The following SPAST variants were observed in gnomAD, a reference collection of about 807,000 sequenced individuals.
The protein encoded by SPAST is spastin.
In SPAST, 30 loss-of-function variants were observed where a neutral mutation model predicts 76.6. The observed-to-expected ratio is 0.39, with a 90% CI of 0.29 to 0.53. The LOEUF is 0.53. SPAST is among the 20% of genes least tolerant of loss of function. The probability of loss-of-function intolerance (pLI) is 0.68; values close to 1 mark genes in which losing one functional copy is unlikely to be tolerated. For missense variants in SPAST, 717 were observed against 770.5 expected (o/e 0.93, Z 0.82); for synonymous variants, 305 against 281.0 (o/e 1.09, Z -0.86).
At chr2:32,147,930 C>CT (rs71407420) in intron 16 of SPAST, among the ~76,000 whole-genome samples, 1,640 of 116,430 alleles carry the variant, frequency 0.014, 50 homozygotes, top group Non-Finnish European at 0.019. Flanking sequence ...TGCGCCCGGC[C>CT]TTTTTTTTTT....
At chr2:32,149,899 C>T (rs908912663) in intron 16 of SPAST, among the ~76,000 whole-genome samples, 4 of 151,804 alleles carry the variant, frequency 2.6e-5, no homozygotes, top group African/African-American at 9.7e-5. Flanking sequence ...TTTTTATTTC[C>T]CTAATTGCAG....
At position 32,068,224 on chromosome 2, in the gene SPAST, C is replaced by T. The variant is rs570335742; in HGVS notation, c.415+3978C>T. ...CGATCTCCTGACCTCGTGATCCACCCGCCTCGGCCTCCCAAAGTGCTGGGA... is the reference window on the plus strand; with the variant it reads ...CGATCTCCTGACCTCGTGATCCACCTGCCTCGGCCTCCCAAAGTGCTGGGA... On this transcript the variant is annotated intron_variant, in intron 1 of 16. Coordinates refer to ENST00000315285, the MANE Select transcript of SPAST (RefSeq NM_014946.4). Among the ~76,000 whole-genome samples the T allele has an allele frequency of 9.9e-5, 15 of 152,044 alleles. No homozygotes were observed. The East Asian group carries it at 2.3e-3, about 24-fold the overall frequency.
rs187842271 is a variant in SPAST, at chr2:32,108,888, C to T, written c.683-5750C>T. Reference sequence around the variant, plus strand: ...TCAACCCATTCTCCTGCCTCAGCCTCCTGAGTAGCTGGGACTACAGATGCG... The same window carrying T: ...TCAACCCATTCTCCTGCCTCAGCCTTCTGAGTAGCTGGGACTACAGATGCG... On this transcript the variant is annotated intron_variant, in intron 4 of 16. Coordinates refer to ENST00000315285, the MANE Select transcript of SPAST (RefSeq NM_014946.4). Among the ~76,000 whole-genome samples, 192 of 149,732 alleles carry T rather than the reference C, an allele frequency of 1.3e-3. No individual in the cohort carries two copies. The Middle Eastern group carries it at 0.028, about 22-fold the overall frequency.
At chr2:32,109,508 A>G (rs1366055424) in intron 4 of SPAST, among the ~76,000 whole-genome samples, 1 of 151,844 alleles carries the variant, frequency 6.6e-6, no homozygotes, top group East Asian at 1.9e-4. Context: ...GGTTTCATAT[A>G]CAGTGTTTTA....
chr2:32,125,789 GTGTT>G (rs765215958), intron 7 of SPAST, among the ~76,000 whole-genome samples: 26 of 151,900 alleles, frequency 1.7e-4, no homozygotes, highest in Middle Eastern at 3.4e-3. Flanking sequence ...ATCAGTTCCT[GTGTT>G]TGTTTGTTTG....
At chr2:32,098,179 C>A (rs72796857) in intron 3 of SPAST, among the ~76,000 whole-genome samples, 6,880 of 151,942 alleles carry the variant, frequency 0.045, 262 homozygotes, top group Admixed American at 0.12. Context: ...TTTTAATCTC[C>A]GTAGTGCCAG....
At chr2:32,098,166 A>AT (rs775161620) in intron 3 of SPAST, among the ~76,000 whole-genome samples, 5 of 151,986 alleles carry the variant, frequency 3.3e-5, no homozygotes, top group Non-Finnish European at 5.9e-5. Flanking sequence ...AAATTGATTC[A>AT]TTTTTTAATC....
At chr2:32,079,442 C>T (rs895188301) in intron 1 of SPAST, among the ~76,000 whole-genome samples, 7 of 151,076 alleles carry the variant, frequency 4.6e-5, no homozygotes, top group Admixed American at 4.0e-4. Context: ...GCCTAGGAGG[C>T]GGAGGTTGCA....
chr2:32,133,177 AT>A (rs1010273058), intron 9 of SPAST, among the ~76,000 whole-genome samples: 8 of 152,146 alleles, frequency 5.3e-5, no homozygotes, highest in Admixed American at 2.0e-4. Context: ...TATCTAGATT[AT>A]TTTCCACAAA....
intron 7 of SPAST, among the ~76,000 whole-genome samples, chr2:32,120,084 A>G (rs1031785149): frequency 6.6e-6 from 1 of 151,292 alleles, no homozygotes; most frequent in Non-Finnish European, 1.5e-5. Context: ...CCTTAGGCTT[A>G]AGTGATCCTC....
chr2:32,132,157 A>G (rs961197684), intron 9 of SPAST, among the ~76,000 whole-genome samples: 4 of 152,174 alleles, frequency 2.6e-5, no homozygotes, highest in Admixed American at 2.6e-4. Context: ...TGGGAGGCCA[A>G]GGCAGGTGGA....
At chr2:32,150,444 A>G (rs1365629749) in intron 16 of SPAST, among the ~76,000 whole-genome samples, 2 of 149,666 alleles carry the variant, frequency 1.3e-5, no homozygotes, top group African/African-American at 4.9e-5. Context: ...ATTTATTTTT[A>G]TTTTATTTTT....
chr2:32,132,717 G>GTCTT (rs1679410927), intron 9 of SPAST, among the ~76,000 whole-genome samples: 1 of 151,834 alleles, frequency 6.6e-6, no homozygotes, highest in Non-Finnish European at 1.5e-5. Flanking sequence ...GACTTAAAAA[G>GTCTT]GAAGCATTGT....
rs1676402572 is a variant in SPAST at position 32,064,060 on chromosome 2, T to C, written c.229T>C (p.Trp77Arg). 1 of 1,613,074 alleles carries C rather than the reference T, an allele frequency of 6.2e-7. No individual in the cohort carries two copies. The highest frequency in any genetic ancestry group is 8.5e-7 in the Non-Finnish European group (1 of 1,179,444). Residue 77 changes from tryptophan (W) to arginine (R), a missense_variant, in exon 1 of 17, where the codon TGG becomes CGG. Transcript: ENST00000315285. ...VAFHLGLLFV[W>R]LCQRFSRALM... ...CTTCCACCTGGGGCTCCTCTTCGTG[T>C]GGCTCTGCCAGCGCTTCTCCCGCGC...
At chr2:32,092,641 T>G (rs1677767094) in intron 3 of SPAST, among the ~76,000 whole-genome samples, 1 of 152,208 alleles carries the variant, frequency 6.6e-6, no homozygotes, top group Non-Finnish European at 1.5e-5. Context: ...TTAAAGTTGG[T>G]GTCTGTTTTC....
chr2:32,075,050 C>G (rs1376103396), intron 1 of SPAST, among the ~76,000 whole-genome samples: 1 of 151,978 alleles, frequency 6.6e-6, no homozygotes, highest in Non-Finnish European at 1.5e-5. Flanking sequence ...ATTGTTAACT[C>G]TTCGTACTAG....
At chr2:32,098,771 G>GT (rs1678012408) in intron 3 of SPAST, 25 bp from the exon 4 acceptor site, 2 of 1,487,358 alleles carry the variant, frequency 1.3e-6, no homozygotes, top group East Asian at 2.3e-5. Context: ...TATTTTTTCT[G>GT]TTTTTTACCT....
At chr2:32,126,744 C>T (rs1573139175) in intron 7 of SPAST, 1 of 525,330 alleles carries the variant, frequency 1.9e-6, no homozygotes, top group Admixed American at 3.2e-5. Flanking sequence ...GTCTTTGCCC[C>T]CTAAAGTCTG....
chr2:32,110,667 A>T (rs939115962), intron 4 of SPAST, among the ~76,000 whole-genome samples: 1 of 138,034 alleles, frequency 7.2e-6, no homozygotes, highest in South Asian at 2.2e-4. Context: ...TAGTATATAT[A>T]GTATATATAG....
Sources: gnomAD v4.1 joint callset for allele counts (sites outside exome capture counted in the v4.1 genomes callset) on GRCh38, gnomAD v4.1.1 for gene constraint, MANE v1.5 for transcripts, NCBI Gene and HGNC (gene_info 2026-07-23, HGNC 2026-07-21) for gene names.